The following ZNF704 variants were observed in gnomAD, a reference collection of about 807,000 sequenced individuals.
The protein encoded by ZNF704 is glucocorticoid induced gene 1.
Under a neutral mutation model 44.7 loss-of-function variants are expected in ZNF704, and 10 were observed. The ratio of observed to expected loss-of-function variants is 0.22; its 90% CI spans 0.14 to 0.38. The LOEUF is 0.38. Among genes scored for constraint, ZNF704 ranks in the 10% least tolerant of loss-of-function variants. ZNF704 has a pLI of 1.00. For synonymous variants in ZNF704, 211 were observed against 207.6 expected (o/e 1.02, Z -0.14); for missense variants, 390 against 545.5 (o/e 0.71, Z 2.84).
At chr8:80,677,799 A>T (rs935980423) in intron 4 of ZNF704, among the ~76,000 whole-genome samples, 1 of 152,174 alleles carries the variant, frequency 6.6e-6, no homozygotes, top group African/African-American at 2.4e-5. Context: ...GATGAGCCAC[A>T]TTTGGGATAT....
At chr8:80,818,329 A>G (rs1426613308) in intron 2 of ZNF704, among the ~76,000 whole-genome samples, 3 of 151,968 alleles carry the variant, frequency 2.0e-5, no homozygotes, top group Non-Finnish European at 4.4e-5. Flanking sequence ...AATATCATAT[A>G]TATATTTTTA....
intron 1 of ZNF704, among the ~76,000 whole-genome samples, chr8:80,854,536 T>C (rs1326699608): frequency 6.6e-6 from 1 of 152,232 alleles, no homozygotes; most frequent in East Asian, 1.9e-4. Flanking sequence ...ATAGCAACAT[T>C]AAGATGGGAT....
intron 2 of ZNF704, among the ~76,000 whole-genome samples, chr8:80,779,999 T>A (rs1340671680): frequency 6.6e-6 from 1 of 152,036 alleles, no homozygotes; most frequent in African/African-American, 2.4e-5. Context: ...AAAGCTCTCA[T>A]GGGGAGGTAG....
intron 1 of ZNF704, among the ~76,000 whole-genome samples, chr8:80,839,251 C>G (rs1405636463): frequency 6.6e-6 from 1 of 152,168 alleles, no homozygotes; most frequent in Admixed American, 6.5e-5. Context: ...CAGTCTAACA[C>G]AACATCTTTA....
At chr8:80,799,518 G>A (rs1807864076) in intron 2 of ZNF704, among the ~76,000 whole-genome samples, 1 of 152,086 alleles carries the variant, frequency 6.6e-6, no homozygotes, top group Non-Finnish European at 1.5e-5. Flanking sequence ...GAAAAACTGA[G>A]GCAGCTAGGG....
intron 4 of ZNF704, among the ~76,000 whole-genome samples, chr8:80,679,598 C>G (rs1246565082): frequency 6.6e-6 from 1 of 152,184 alleles, no homozygotes; most frequent in African/African-American, 2.4e-5. Context: ...AAAATTCACA[C>G]CAGTGGAAAG....
intron 1 of ZNF704, among the ~76,000 whole-genome samples, chr8:80,837,399 T>C (rs893779626): frequency 5.9e-5 from 9 of 152,204 alleles, no homozygotes; most frequent in African/African-American, 2.2e-4. Context: ...TGAAACTTCC[T>C]TCTGCAAATA....
Position 80,830,640 on chromosome 8 carries a change from A to G in ZNF704, c.-21-9025T>C, listed in dbSNP as rs76881123. 3.7e-3 allele frequency among the ~76,000 whole-genome samples: 558 copies of G among 151,776 alleles called. 5 individuals carry two copies. The highest frequency in any genetic ancestry group is 0.013 in the African/African-American group (541 of 41,424). ...TGGCATTTAAATTATACCACAATAG[A>G]GCTGAGGAAGGAAGGATGGAAGGAT... is the stretch of plus-strand genomic sequence containing the variant. On this transcript the variant is annotated intron_variant, in intron 1 of 8. Coordinates refer to ENST00000327835, the MANE Select transcript of ZNF704 (RefSeq NM_001033723.3).
At chr8:80,815,365 G>A (rs1008997745) in intron 2 of ZNF704, among the ~76,000 whole-genome samples, 1 of 152,178 alleles carries the variant, frequency 6.6e-6, no homozygotes, top group Admixed American at 6.5e-5. Context: ...ATAATTAGAA[G>A]ACAGTTACTA....
At chr8:80,844,289 A>T (rs1808731255) in intron 1 of ZNF704, among the ~76,000 whole-genome samples, 1 of 152,192 alleles carries the variant, frequency 6.6e-6, no homozygotes, top group Non-Finnish European at 1.5e-5. Context: ...TGGGAAGTAC[A>T]AGATCAAGGC....
chr8:80,679,946 C>A (rs1818426602), intron 4 of ZNF704, among the ~76,000 whole-genome samples: 1 of 152,208 alleles, frequency 6.6e-6, no homozygotes, highest in African/African-American at 2.4e-5. Context: ...GCCTTTGCAG[C>A]AGCTTCTGAA....
At position 80,732,840 on chromosome 8, in the gene ZNF704, C is replaced by T. The variant is rs536039171; in HGVS notation, c.222-39733G>A. 9.2e-5 allele frequency among the ~76,000 whole-genome samples: 14 copies of T among 151,824 alleles called. No individual in the cohort carries two copies. In the South Asian group the frequency reaches 2.5e-3, roughly 27 times the overall value. On this transcript the variant is annotated intron_variant, in intron 2 of 8. Transcript: ENST00000327835. ...GCGTGGTGGCATGCGCCTGTATGCC[C>T]AGCTACTCGAGAGGCTGAGGCAGGA...
chr8:80,703,026 G>A (rs566967412), intron 2 of ZNF704, among the ~76,000 whole-genome samples: 11 of 152,058 alleles, frequency 7.2e-5, no homozygotes, highest in South Asian at 4.2e-4. Flanking sequence ...GGTAACAGCC[G>A]CGGGGACACA....
chr8:80,787,839 T>C (rs1739148804), intron 2 of ZNF704, among the ~76,000 whole-genome samples: 1 of 152,180 alleles, frequency 6.6e-6, no homozygotes, highest in African/African-American at 2.4e-5. Context: ...AAACAAATTA[T>C]AAAGGAATTT....
intron 1 of ZNF704, among the ~76,000 whole-genome samples, chr8:80,833,652 A>C (rs1396063205): frequency 1.3e-5 from 2 of 152,162 alleles, no homozygotes; most frequent in East Asian, 3.9e-4. Flanking sequence ...CTTTTTCCTT[A>C]AGTACATACA....
chr8:80,750,546 G>A (rs923380476), intron 2 of ZNF704, among the ~76,000 whole-genome samples: 2 of 145,814 alleles, frequency 1.4e-5, no homozygotes, highest in African/African-American at 5.2e-5. Flanking sequence ...AAGTTGTTTT[G>A]CTCTTGTTGC....
At chr8:80,757,858 G>A (rs1807063281) in intron 2 of ZNF704, among the ~76,000 whole-genome samples, 1 of 152,182 alleles carries the variant, frequency 6.6e-6, no homozygotes, top group Admixed American at 6.5e-5. Flanking sequence ...ATATAGCCTA[G>A]GTGTATAGTA....
chr8:80,665,731 T>C (rs1039366507), intron 5 of ZNF704, among the ~76,000 whole-genome samples: 6 of 152,080 alleles, frequency 3.9e-5, no homozygotes, highest in Non-Finnish European at 4.4e-5. Flanking sequence ...ATATTTAATA[T>C]ATCAGGTGTT....
intron 2 of ZNF704, among the ~76,000 whole-genome samples, chr8:80,742,498 A>G (rs1304884109): frequency 1.3e-5 from 2 of 152,242 alleles, no homozygotes; most frequent in Non-Finnish European, 2.9e-5. Flanking sequence ...AAAACTATCA[A>G]GCAGATAGTC....
Sources: allele counts gnomAD v4.1 joint callset (sites outside exome capture counted in the v4.1 genomes callset), GRCh38; gene constraint gnomAD v4.1.1; transcripts MANE v1.5; gene names NCBI Gene and HGNC (gene_info 2026-07-23, HGNC 2026-07-21).